Variants in TMEM223 observed in about 807,000 individuals in gnomAD.
TMEM223 encodes transmembrane protein 223.
In TMEM223, 14 loss-of-function variants were observed where a neutral mutation model predicts 14.1. The observed-to-expected ratio is 0.99, with a 90% CI of 0.66 to 1.55. The LOEUF (loss-of-function observed/expected upper bound fraction) is 1.55, where lower values mean the gene tolerates loss of function less well. TMEM223 is among the 40% of genes most tolerant of loss of function. The pLI is 0.00. For synonymous variants in TMEM223, 145 were observed against 120.5 expected, an observed-to-expected ratio of 1.20 and a Z score of -1.33; for missense variants, 346 against 269.9, an observed-to-expected ratio of 1.28 and a Z score of -1.97.
At chr11:62,778,795 G>C in intron 1 of TMEM223, 4 of 1,266,440 alleles carry the variant, frequency 3.2e-6, no homozygotes, top group East Asian at 2.3e-5. Flanking sequence ...TGGTGGTTGA[G>C]GGGGAGGAGG....
intron 2 of TMEM223, among the ~76,000 whole-genome samples, chr11:62,774,436 C>T (rs1383112930): frequency 6.6e-6 from 1 of 152,180 alleles, no homozygotes; most frequent in Non-Finnish European, 1.5e-5. Flanking sequence ...TGCACAGAAG[C>T]CACATAGCTG....
intron 1 of TMEM223, chr11:62,782,026 G>C: frequency 6.2e-7 from 1 of 1,603,316 alleles, no homozygotes; most frequent in Non-Finnish European, 8.5e-7. Context: ...GACCCAGCAG[G>C]TGTAGGGCTC....
At chr11:62,772,542 C>T (rs1292604163) in intron 2 of TMEM223, among the ~76,000 whole-genome samples, 2 of 128,388 alleles carry the variant, frequency 1.6e-5, no homozygotes, top group Non-Finnish European at 3.2e-5. Flanking sequence ...AAAAAAAGCT[C>T]GTCGGGCCAG....
Position 62,771,924 on chromosome 11 carries a change from G to A in TMEM223, c.*182C>T, listed in dbSNP as rs373571326. The A allele has an allele frequency of 1.0e-3, 356 of 354,974 alleles. 4 individuals carry two copies. The Middle Eastern group carries it at 0.014, about 14-fold the overall frequency. 22.0% of individuals were successfully genotyped at this position (354,974 alleles called of 1,614,324 possible). A position where few individuals can be genotyped will look rare whatever the true frequency, so the allele number is the denominator to read the frequency against. On this transcript the variant is annotated 3_prime_UTR_variant, in exon 3 of 3. Transcript: ENST00000528367. ...ACAACGATCTATTGGCGGGTCTAGG[G>A]TCACCAAGGGGTGGGTCTCCAATCC... is the stretch of plus-strand genomic sequence containing the variant.
At chr11:62,772,973 G>A (rs1238179005) in intron 2 of TMEM223, among the ~76,000 whole-genome samples, 1 of 151,538 alleles carries the variant, frequency 6.6e-6, no homozygotes, top group Admixed American at 6.6e-5. Context: ...TGCCTCCTGG[G>A]TTCAAGTGAT....
intron 1 of TMEM223, among the ~76,000 whole-genome samples, chr11:62,791,210 C>T (rs996503623): frequency 1.3e-5 from 2 of 152,084 alleles, no homozygotes; most frequent in Admixed American, 1.3e-4. Flanking sequence ...GAAGGGCAGC[C>T]CTCAGCCTAG....
chr11:62,789,528 A>G, downstream of TMEM223: 1 of 1,583,750 alleles, frequency 6.3e-7, no homozygotes, highest in Non-Finnish European at 8.6e-7. Context: ...CTCAACTCAC[A>G]GGGCACTGGG....
intron 2 of TMEM223, among the ~76,000 whole-genome samples, chr11:62,773,587 A>G (rs2084165302): frequency 6.6e-6 from 1 of 151,874 alleles, no homozygotes; most frequent in Non-Finnish European, 1.5e-5. Context: ...AGCTGGGATT[A>G]CAGGCATGTG....
At chr11:62,783,993 A>G (rs373893479), downstream of TMEM223, among the ~76,000 whole-genome samples, 28 of 2,820 alleles carry the variant, frequency 9.9e-3, no homozygotes, top group African/African-American at 0.029. Flanking sequence ...TGGCGCCACT[A>G]CACTCCAGCC....
chr11:62,776,856 A>G (rs1285070088), intron 1 of TMEM223, among the ~76,000 whole-genome samples: 4 of 151,000 alleles, frequency 2.6e-5, no homozygotes, highest in Admixed American at 2.0e-4. Flanking sequence ...AAAAGAAAAA[A>G]AAAAAAAAAA....
intron 1 of TMEM223, 138 bp from the exon 2 acceptor site, chr11:62,791,053 C>CAAA: frequency 3.3e-6 from 3 of 899,852 alleles, no homozygotes; most frequent in Non-Finnish European, 4.9e-6. Flanking sequence ...GACTGAGTCT[C>CAAA]ACTCTGCCGG....
At chr11:62,782,028 G>A (rs1409912956) in intron 1 of TMEM223, 3 of 1,602,798 alleles carry the variant, frequency 1.9e-6, no homozygotes, top group African/African-American at 1.3e-5. Flanking sequence ...CCCAGCAGGT[G>A]TAGGGCTCAT....
At chr11:62,782,357 G>A (rs952729652) in intron 1 of TMEM223, 4 of 1,607,234 alleles carry the variant, frequency 2.5e-6, no homozygotes, top group South Asian at 2.2e-5. Flanking sequence ...CTAAACCTGC[G>A]GGTGGGATTG....
At chr11:62,786,265 A>G (rs1444474263), downstream of TMEM223, 3 of 1,611,360 alleles carry the variant, frequency 1.9e-6, no homozygotes, top group African/African-American at 4.0e-5. Context: ...TCCAGGCAGT[A>G]GAACGAGTCC....
downstream of TMEM223, chr11:62,782,522 A>G: frequency 4.6e-6 from 5 of 1,081,328 alleles, no homozygotes; most frequent in Non-Finnish European, 6.6e-6. Flanking sequence ...ACGCCAAGGT[A>G]TTGGTTCTTC....
chr11:62,785,167 TGTAAATTCTGGCATGG>T (rs778625379), downstream of TMEM223, among the ~76,000 whole-genome samples: 162 of 151,814 alleles, frequency 1.1e-3, no homozygotes, highest in Non-Finnish European at 1.9e-3. Flanking sequence ...TGTAGACTTT[TGTAAATTCTGGCATGG>T]TATTTTCTTT....
chr11:62,775,738 G>A, intron 1 of TMEM223: 1 of 1,572,732 alleles, frequency 6.4e-7, no homozygotes, highest in Non-Finnish European at 8.6e-7. Flanking sequence ...GGGAGGCTGG[G>A]CAGCTTTTCC....
chr11:62,772,175 A>C (rs919499133), intron 2 of TMEM223: 1 of 456,140 alleles, frequency 2.2e-6, no homozygotes, highest in Admixed American at 2.4e-5. Flanking sequence ...TATTATTGAG[A>C]ATATAGTGAA....
downstream of TMEM223, among the ~76,000 whole-genome samples, chr11:62,788,599 G>A (rs2084318999): frequency 6.6e-6 from 1 of 151,166 alleles, no homozygotes; most frequent in Non-Finnish European, 1.5e-5. Flanking sequence ...AGCTACTCAG[G>A]AGGCTGAGGC....
Sources: allele counts gnomAD v4.1 joint callset (sites outside exome capture counted in the v4.1 genomes callset), GRCh38; gene constraint gnomAD v4.1.1; transcripts MANE v1.5; gene names NCBI Gene and HGNC (gene_info 2026-07-23, HGNC 2026-07-21).